Variants in LIPA observed in about 807,000 individuals in gnomAD.
The protein encoded by LIPA is lipase A, lysosomal acid type.
LIPA carries 26 observed loss-of-function variants against 40.6 expected under a neutral mutation model. The ratio of observed to expected loss-of-function variants is 0.64; its 90% CI spans 0.47 to 0.89. The LOEUF is 0.89. Ranked by LOEUF, LIPA falls within the 40% of genes least tolerant of loss-of-function variation. LIPA has a pLI of 0.00. For missense variants in LIPA, 455 were observed against 479.6 expected, an observed-to-expected ratio of 0.95 and a Z score of 0.48; for synonymous variants, 188 against 168.4, an observed-to-expected ratio of 1.12 and a Z score of -0.90.
At chr10:89,306,185 G>A (rs1463640077) in intron 1 of LIPA, 2 of 1,614,032 alleles carry the variant, frequency 1.2e-6, no homozygotes, top group Admixed American at 1.7e-5. Context: ...CTTACGTAAA[G>A]CTGAAGAGTT....
chr10:89,268,143 G>A (rs1400167290), intron 1 of LIPA, among the ~76,000 whole-genome samples: 1 of 152,210 alleles, frequency 6.6e-6, no homozygotes, highest in East Asian at 1.9e-4. Context: ...TCCTTTGGAA[G>A]AGGAAAATAG....
At chr10:89,294,901 G>A (rs1000094356) in intron 1 of LIPA, among the ~76,000 whole-genome samples, 1 of 151,920 alleles carries the variant, frequency 6.6e-6, no homozygotes, top group African/African-American at 2.4e-5. Flanking sequence ...TTGAGCCTGG[G>A]AGGGAGGTCA....
intron 2 of LIPA, among the ~76,000 whole-genome samples, chr10:89,353,088 G>A (rs916784867): frequency 1.3e-5 from 2 of 152,144 alleles, no homozygotes; most frequent in African/African-American, 4.8e-5. Flanking sequence ...GGGCAGGAGA[G>A]GGCCTCCTCT....
intron 2 of LIPA, chr10:89,383,502 C>T (rs1241113290): frequency 5.0e-6 from 8 of 1,614,010 alleles, no homozygotes; most frequent in Non-Finnish European, 5.1e-6. Context: ...ATGTGAAACA[C>T]CTGAAAGGCC....
At chr10:89,360,162 A>G (rs1304748221) in intron 2 of LIPA, among the ~76,000 whole-genome samples, 1 of 152,188 alleles carries the variant, frequency 6.6e-6, no homozygotes, top group Admixed American at 6.5e-5. Context: ...TTATTTGCTC[A>G]GTTTTTAAAG....
intron 2 of LIPA, chr10:89,402,162 T>C (rs1844435346): frequency 1.5e-6 from 1 of 674,098 alleles, no homozygotes; most frequent in Non-Finnish European, 2.5e-6. Flanking sequence ...TTAACTTTAA[T>C]GAAACCTAAG....
chr10:89,353,305 T>C (rs1843969802), intron 2 of LIPA, among the ~76,000 whole-genome samples: 1 of 152,138 alleles, frequency 6.6e-6, no homozygotes, highest in African/African-American at 2.4e-5. Context: ...GTTTAACTGG[T>C]ATATGAACTT....
intron 2 of LIPA, among the ~76,000 whole-genome samples, chr10:89,396,587 G>A (rs1255862941): frequency 6.6e-6 from 1 of 152,120 alleles, no homozygotes; most frequent in Non-Finnish European, 1.5e-5. Context: ...AATGGCACCA[G>A]GTCATTCACG....
At chr10:89,248,506 G>A (rs866622585) in intron 1 of LIPA, among the ~76,000 whole-genome samples, 4 of 146,598 alleles carry the variant, frequency 2.7e-5, no homozygotes, top group African/African-American at 5.0e-5. Flanking sequence ...GCTGAGTCTC[G>A]CTCTGTCGCC....
intron 1 of LIPA, chr10:89,306,565 G>A (rs1321542260): frequency 1.2e-6 from 2 of 1,614,108 alleles, no homozygotes; most frequent in Admixed American, 1.7e-5. Context: ...AAGCCATTCG[G>A]CTGAATCCTG....
chr10:89,303,929 G>A lies in LIPA; in HGVS notation c.-2+38682C>T, dbSNP rs143533766. 4.3e-3 allele frequency among the ~76,000 whole-genome samples: 659 copies of A among 152,314 alleles called. 9 individuals are homozygous for A. Among genetic ancestry groups the A allele is most frequent in the African/African-American group, 0.014 (584 of 41,566 alleles). On this transcript the variant is annotated intron_variant, in intron 1 of 5. Coordinates refer to the LIPA transcript ENST00000282673. ...GGACTCACCATATTCTGTAATGAAT[G>A]CAGTAGAGAGTGTGACTGAGATGCA...
At chr10:89,325,733 G>A (rs1053623166) in intron 1 of LIPA, among the ~76,000 whole-genome samples, 1 of 152,112 alleles carries the variant, frequency 6.6e-6, no homozygotes, top group Non-Finnish European at 1.5e-5. Flanking sequence ...GAAGAGAGAG[G>A]ACTGAAAAAC....
At chr10:89,286,104 C>T (rs1171160448) in intron 1 of LIPA, among the ~76,000 whole-genome samples, 1 of 152,116 alleles carries the variant, frequency 6.6e-6, no homozygotes, top group Non-Finnish European at 1.5e-5. Flanking sequence ...CATCCTACAA[C>T]ACCTAGATAA....
chr10:89,374,341 ACACTCT>A (rs1479023623), intron 2 of LIPA, among the ~76,000 whole-genome samples: 1 of 150,098 alleles, frequency 6.7e-6, no homozygotes, highest in African/African-American at 2.5e-5. Context: ...AGACACACAC[ACACTCT>A]CTCTCTCTCT....
intron 1 of LIPA, among the ~76,000 whole-genome samples, chr10:89,315,372 T>G (rs184300038): frequency 6.6e-6 from 1 of 152,296 alleles, no homozygotes; most frequent in African/African-American, 2.4e-5. Context: ...TATAACAACC[T>G]CTGAACTCGA....
At chr10:89,347,031 G>A (rs548463991), upstream of LIPA, among the ~76,000 whole-genome samples, 121 of 152,248 alleles carry the variant, frequency 7.9e-4, 1 homozygote, top group African/African-American at 2.8e-3. Flanking sequence ...TGACATCAGG[G>A]TCTCCAAGAC....
chr10:89,311,815 T>C (rs1843517154), intron 1 of LIPA, among the ~76,000 whole-genome samples: 1 of 152,222 alleles, frequency 6.6e-6, no homozygotes, highest in South Asian at 2.1e-4. Flanking sequence ...TCTTCACCAA[T>C]ACTGAATGTT....
At chr10:89,362,705 CT>C (rs2133592864) in intron 2 of LIPA, 1 of 691,536 alleles carries the variant, frequency 1.4e-6, no homozygotes, top group African/African-American at 1.8e-5. Context: ...ATGCTTCCCG[CT>C]ATAGAATGGA....
chr10:89,256,859 T>C (rs889743114), intron 1 of LIPA, among the ~76,000 whole-genome samples: 4 of 152,212 alleles, frequency 2.6e-5, no homozygotes, highest in African/African-American at 9.7e-5. Flanking sequence ...ACTTCCTGCT[T>C]TGGGCCATTG....
Sources: allele counts gnomAD v4.1 joint callset (sites outside exome capture counted in the v4.1 genomes callset), GRCh38; gene constraint gnomAD v4.1.1; transcripts MANE v1.5; gene names NCBI Gene and HGNC (gene_info 2026-07-23, HGNC 2026-07-21).